Variants in DAAM2 observed in about 807,000 individuals in gnomAD.
The protein encoded by DAAM2 is dishevelled associated activator of morphogenesis 2, also known as disheveled-associated activator of morphogenesis 2.
DAAM2 carries 39 observed loss-of-function variants against 120.7 expected under a neutral mutation model. That is an observed-to-expected ratio of 0.32 (90% CI 0.25 to 0.42). The LOEUF is 0.42. DAAM2 is among the 10% of genes least tolerant of loss of function. The pLI is 1.00. For synonymous variants in DAAM2, 488 were observed against 524.9 expected (o/e 0.93, Z 0.96); for missense variants, 1,283 against 1,401.7 (o/e 0.92, Z 1.35).
At chr6:39,795,202 G>A (rs1761664916) in intron 1 of DAAM2, among the ~76,000 whole-genome samples, 1 of 152,188 alleles carries the variant, frequency 6.6e-6, no homozygotes, top group Admixed American at 6.5e-5. Flanking sequence ...TTAAGTAGAT[G>A]GGATGCATTC....
chr6:39,882,026 C>T (rs1273872318), intron 14 of DAAM2: 1 of 152,118 alleles, frequency 6.6e-6, no homozygotes, highest in African/African-American at 2.4e-5. Context: ...AAAGGCAGTG[C>T]ACCACGGGGG....
intron 1 of DAAM2, chr6:39,848,710 C>G (rs1191323229): frequency 6.6e-6 from 1 of 152,174 alleles, no homozygotes; most frequent in Non-Finnish European, 1.5e-5. Flanking sequence ...CTAAGAATAG[C>G]TCCCCCAATC....
At chr6:39,899,949 GA>G (rs537502433) in intron 22 of DAAM2, 127 bp from the exon 23 acceptor site, 1 of 1,060,408 alleles carries the variant, frequency 9.4e-7, no homozygotes, top group East Asian at 2.7e-5. Flanking sequence ...TTAGAACTTT[GA>G]GATGCAGGGT....
intron 17 of DAAM2, 60 bp from the exon 18 acceptor site, chr6:39,891,281 C>T: frequency 3.0e-6 from 4 of 1,339,934 alleles, no homozygotes; most frequent in South Asian, 1.3e-5. Context: ...CTTCTCACAC[C>T]CTGTACCCCA....
At chr6:39,818,202 A>AAC (rs1554167545) in intron 1 of DAAM2, among the ~76,000 whole-genome samples, 406 of 149,062 alleles carry the variant, frequency 2.7e-3, no homozygotes, top group African/African-American at 9.8e-3. Flanking sequence ...AAAAAAAAAA[A>AAC]AAAACTTCAC....
intron 15 of DAAM2, chr6:39,886,353 T>G (rs1245415401): frequency 7.5e-6 from 3 of 399,204 alleles, no homozygotes; most frequent in Middle Eastern, 6.2e-4. Flanking sequence ...ATGCTATTTC[T>G]GGGTCCCCAA....
rs187633073 is a variant in DAAM2 at position 39,843,836 on chromosome 6, A to T, written c.-56-12411A>T. 2.0e-3 allele frequency among the ~76,000 whole-genome samples: 305 copies of T among 151,992 alleles called. 1 individual carries two copies. Among genetic ancestry groups the T allele is most frequent in the African/African-American group, 6.1e-3 (252 of 41,444 alleles). On this transcript the variant is annotated intron_variant, in intron 1 of 24. Transcript: ENST00000274867. ...CTTTCCTGTGAGCTGGGATGGGGAGATGGGGAAGAGATGGGAAGTGCACCA... is the reference window on the plus strand; with the variant it reads ...CTTTCCTGTGAGCTGGGATGGGGAGTTGGGGAAGAGATGGGAAGTGCACCA...
intron 19 of DAAM2, among the ~76,000 whole-genome samples, chr6:39,894,917 C>A (rs1186813386): frequency 2.6e-5 from 4 of 151,988 alleles, no homozygotes; most frequent in Admixed American, 2.0e-4. Flanking sequence ...CCATGCCTGG[C>A]CTGTTTTGAA....
chr6:39,833,628 C>T (rs1762998773), intron 1 of DAAM2, among the ~76,000 whole-genome samples: 1 of 152,172 alleles, frequency 6.6e-6, no homozygotes. Flanking sequence ...TTCTATTGCC[C>T]TGTCCTGTCT....
At chr6:39,899,004 C>G in intron 22 of DAAM2, 67 bp downstream of exon 22, 1 of 1,339,588 alleles carries the variant, frequency 7.5e-7, no homozygotes, top group Non-Finnish European at 1.0e-6. Context: ...GTCACTGCAC[C>G]CTAAGCTCCT....
At chr6:39,862,181 A>T (rs985238672) in intron 3 of DAAM2, 2 of 152,206 alleles carry the variant, frequency 1.3e-5, no homozygotes, top group African/African-American at 4.8e-5. Context: ...CTGGCTGCCC[A>T]TTGCTAGAAC....
chr6:39,824,666 G>T (rs1407507515), intron 1 of DAAM2, among the ~76,000 whole-genome samples: 1 of 152,160 alleles, frequency 6.6e-6, no homozygotes, highest in East Asian at 1.9e-4. Context: ...GGAGAAGCTG[G>T]CCAGCTCCTG....
intron 2 of DAAM2, among the ~76,000 whole-genome samples, chr6:39,860,028 A>G (rs2504100): frequency 0.61 from 92,203 of 152,126 alleles, 28,054 homozygotes; most frequent in Middle Eastern, 0.69. Context: ...TAAAAAAAGC[A>G]CACTATGGTC....
At chr6:39,834,644 C>T (rs1763037928) in intron 1 of DAAM2, among the ~76,000 whole-genome samples, 1 of 152,170 alleles carries the variant, frequency 6.6e-6, no homozygotes, top group Non-Finnish European at 1.5e-5. Context: ...GAGATTAACT[C>T]TCACTTTATG....
chr6:39,877,937 C>A (rs1240174207), intron 11 of DAAM2, among the ~76,000 whole-genome samples: 1 of 152,212 alleles, frequency 6.6e-6, no homozygotes, highest in Non-Finnish European at 1.5e-5. Flanking sequence ...ATTCTCTGAG[C>A]CTCAGTGGCT....
At chr6:39,812,143 A>G (rs1187688608) in intron 1 of DAAM2, among the ~76,000 whole-genome samples, 1 of 152,172 alleles carries the variant, frequency 6.6e-6, no homozygotes, top group Non-Finnish European at 1.5e-5. Context: ...CCCGGGAGCT[A>G]GGTCTTCCCA....
chr6:39,868,019 A>G (rs1764501065), intron 6 of DAAM2, 176 bp downstream of exon 6: 8 of 618,512 alleles, frequency 1.3e-5, no homozygotes, highest in Non-Finnish European at 2.3e-5. Flanking sequence ...GAAGGCTTGC[A>G]TAAAAACACA....
At chr6:39,890,867 C>T (rs1765666048) in intron 17 of DAAM2, among the ~76,000 whole-genome samples, 1 of 152,136 alleles carries the variant, frequency 6.6e-6, no homozygotes, top group Non-Finnish European at 1.5e-5. Context: ...AGTGAGAGGA[C>T]TGCTTGAGCT....
rs769326433 is a variant in DAAM2 at position 39,891,411 on chromosome 6, T to A, written c.2216T>A (p.Met739Lys). Reference protein sequence around the residue: ...LEEHKHEIERMARADRFLYEM... With the variant: ...LEEHKHEIERKARADRFLYEM... Reference sequence around the variant, plus strand: ...GAGCACAAGCATGAAATTGAGCGGATGGCCCGTGCTGACCGCTTCCTCTAT... The same window carrying A: ...GAGCACAAGCATGAAATTGAGCGGAAGGCCCGTGCTGACCGCTTCCTCTAT... Residue 739 changes from methionine (M) to lysine (K), a missense_variant, in exon 18 of 25, where the codon ATG (methionine) becomes AAG (lysine). Around this residue, in one of 3 missense-constraint regions of DAAM2, gnomAD observed 748 missense variants for 768.6 expected, o/e 0.97. Coordinates refer to ENST00000274867, the MANE Select transcript of DAAM2 (RefSeq NM_001201427.2). 1 of 1,610,826 alleles carries A rather than the reference T, an allele frequency of 6.2e-7. No individual in the cohort carries two copies. The highest frequency in any genetic ancestry group is 2.2e-5 in the East Asian group (1 of 44,826).
Sources: allele counts gnomAD v4.1 joint callset (sites outside exome capture counted in the v4.1 genomes callset), GRCh38; gene constraint gnomAD v4.1.1; regional missense constraint gnomAD v4.1.1; transcripts MANE v1.5; gene names NCBI Gene and HGNC (gene_info 2026-07-23, HGNC 2026-07-21).